MYT1L: variants seen among roughly 807,000 people sequenced by gnomAD.
The protein encoded by MYT1L is myelin transcription factor 1-like protein.
A neutral mutation model predicts 126.7 loss-of-function variants in MYT1L; 12 were observed. The observed-to-expected ratio is 0.09, with a 90% CI of 0.06 to 0.15. MYT1L has a LOEUF of 0.15. MYT1L is among the 10% of genes least tolerant of loss of function. The pLI, the probability that MYT1L is intolerant of heterozygous loss-of-function variation, is 1.00. For synonymous variants in MYT1L, 541 were observed against 604.2 expected, an observed-to-expected ratio of 0.90 and a Z score of 1.53; for missense variants, 979 against 1,585.2, an observed-to-expected ratio of 0.62 and a Z score of 6.49.
At chr2:1,947,745 G>A (rs1285407432) in intron 8 of MYT1L, among the ~76,000 whole-genome samples, 1 of 152,230 alleles carries the variant, frequency 6.6e-6, no homozygotes, top group African/African-American at 2.4e-5. Flanking sequence ...AAAAATAGTT[G>A]ATCAAGATAG....
chr2:2,153,596 C>T (rs536149955), intron 3 of MYT1L, among the ~76,000 whole-genome samples: 4 of 152,150 alleles, frequency 2.6e-5, no homozygotes, highest in Non-Finnish European at 5.9e-5. Flanking sequence ...ACTAAGGGAT[C>T]GATGGTGTCA....
At chr2:2,098,086 C>T (rs1485643370) in intron 3 of MYT1L, among the ~76,000 whole-genome samples, 2 of 152,194 alleles carry the variant, frequency 1.3e-5, no homozygotes, top group Non-Finnish European at 2.9e-5. Context: ...TGGTGCCATG[C>T]TTGTGCAACC....
At chr2:2,024,211 ATATATATACTACAT>A (rs1377842325) in intron 4 of MYT1L, among the ~76,000 whole-genome samples, 2 of 152,214 alleles carry the variant, frequency 1.3e-5, no homozygotes, top group Non-Finnish European at 1.5e-5. Context: ...GCGTCTTGGA[ATATATATACTACAT>A]TATTATTAGC....
intron 2 of MYT1L, among the ~76,000 whole-genome samples, chr2:2,243,633 G>T (rs1572785649): frequency 6.6e-6 from 1 of 152,096 alleles, no homozygotes; most frequent in Admixed American, 6.5e-5. Context: ...AAGTAGCTGG[G>T]AAGCCACATG....
chr2:2,269,156 T>C (rs912361073), intron 2 of MYT1L, among the ~76,000 whole-genome samples: 1 of 152,194 alleles, frequency 6.6e-6, no homozygotes, highest in African/African-American at 2.4e-5. Context: ...TATCTGGAGA[T>C]AAAGGGTGAG....
chr2:2,029,792 G>T (rs1302935698), intron 4 of MYT1L, among the ~76,000 whole-genome samples: 1 of 152,184 alleles, frequency 6.6e-6, no homozygotes, highest in Non-Finnish European at 1.5e-5. Flanking sequence ...AATTTAGAAA[G>T]TTATTGGCAT....
intron 2 of MYT1L, among the ~76,000 whole-genome samples, chr2:2,204,201 G>A (rs1312646439): frequency 6.6e-6 from 1 of 152,172 alleles, no homozygotes; most frequent in Non-Finnish European, 1.5e-5. Flanking sequence ...ATAGGCATGG[G>A]CAAGGACTTC....
chr2:2,174,849 A>G (rs1231351415), intron 2 of MYT1L, among the ~76,000 whole-genome samples: 2 of 152,094 alleles, frequency 1.3e-5, no homozygotes, highest in Non-Finnish European at 2.9e-5. Flanking sequence ...TGTTGAGTGA[A>G]TAAATCTCTC....
At chr2:2,317,843 C>T (rs7608616) in intron 1 of MYT1L, among the ~76,000 whole-genome samples, 4,549 of 152,130 alleles carry the variant, frequency 0.03, 127 homozygotes, top group South Asian at 0.11. Context: ...TAATCATCCT[C>T]CTGACCGTGC....
rs1175068100 is a variant in MYT1L at position 2,259,939 on chromosome 2, T to C, written c.-421+24465A>G. Among the ~76,000 whole-genome samples, 11 of 152,334 alleles carry C rather than the reference T, an allele frequency of 7.2e-5. No individual in the cohort carries two copies. In the East Asian group the frequency reaches 1.9e-3, roughly 27 times the overall value. On this transcript the variant is annotated intron_variant, in intron 2 of 24. Coordinates refer to ENST00000647738, the MANE Select transcript of MYT1L (RefSeq NM_001303052.2). Reference sequence around the variant, plus strand: ...AGTAGCCTAATGTATGTGAAAAATGTTTCAGAAACAGTCAAGCTCCTTCAC... The same window carrying C: ...AGTAGCCTAATGTATGTGAAAAATGCTTCAGAAACAGTCAAGCTCCTTCAC...
In MYT1L at chr2:1,947,433, C is replaced by A. The variant is rs192071105; in HGVS notation, c.153-4099G>T. Among the ~76,000 whole-genome samples the A allele has an allele frequency of 2.2e-4, 34 of 152,268 alleles. 1 individual carries two copies. Among genetic ancestry groups the A allele is most frequent in the Admixed American group, 2.2e-3 (34 of 15,292 alleles). ...CTGAGAGTTTGGAGGACAATGTATCCGGCTAGGAGGACGTTTGAGAGGATG... is the reference window on the plus strand; with the variant it reads ...CTGAGAGTTTGGAGGACAATGTATCAGGCTAGGAGGACGTTTGAGAGGATG... On this transcript the variant is annotated intron_variant, in intron 8 of 24. Coordinates refer to ENST00000647738, the MANE Select transcript of MYT1L (RefSeq NM_001303052.2).
In MYT1L at chr2:1,818,194, C is replaced by T. The variant is rs925005009; in HGVS notation, c.3081-9027G>A. On this transcript the variant is annotated intron_variant, in intron 21 of 24. Transcript: ENST00000647738. Reference sequence around the variant, plus strand: ...GAAGGGGGATATGGTTAACAAGACACACAGATTGGGAAGAAAAATAAGTAA... The same window carrying T: ...GAAGGGGGATATGGTTAACAAGACATACAGATTGGGAAGAAAAATAAGTAA... 7.2e-5 allele frequency among the ~76,000 whole-genome samples: 11 copies of T among 152,150 alleles called. 1 individual carries two copies. The highest frequency in any genetic ancestry group is 7.2e-4 in the Admixed American group (11 of 15,276).
chr2:2,151,445 G>C (rs182097996), intron 3 of MYT1L, among the ~76,000 whole-genome samples: 12 of 151,900 alleles, frequency 7.9e-5, no homozygotes, highest in Admixed American at 4.6e-4. Context: ...TGACCATGTG[G>C]CATGTTCACA....
chr2:2,159,177 G>A (rs2087345633), intron 3 of MYT1L, among the ~76,000 whole-genome samples: 5 of 152,142 alleles, frequency 3.3e-5, no homozygotes, highest in Admixed American at 6.5e-5. Context: ...GGGGCTGTCG[G>A]GGTGACGGTG....
intron 23 of MYT1L, among the ~76,000 whole-genome samples, chr2:1,800,871 G>A (rs1013954319): frequency 3.3e-5 from 5 of 151,786 alleles, no homozygotes; most frequent in African/African-American, 4.8e-5. Context: ...TCATCACACC[G>A]TGGCCTGCTG....
Position 1,917,190 on chromosome 2 carries a change from G to A in MYT1L, c.1618+15C>T, listed in dbSNP as rs1174966321. ...TGTTTGCACCCCCAAGGGTAGCGGT[G>A]AGACGTGGACTTACTTTCTGGAGGG... is the stretch of plus-strand genomic sequence containing the variant. On this transcript the variant is annotated intron_variant, in intron 11 of 24. Coordinates refer to ENST00000647738, the MANE Select transcript of MYT1L (RefSeq NM_001303052.2). This position sits in a 1 kb window ranked among gnomAD's most constrained non-coding sequence, Gnocchi z 5.9. The A allele has an allele frequency of 6.2e-7, 1 of 1,609,426 alleles. No individual in the cohort carries two copies. Among genetic ancestry groups the A allele is most frequent in the Non-Finnish European group, 8.5e-7 (1 of 1,176,740 alleles).
chr2:1,955,766 C>T (rs2058288077), intron 8 of MYT1L, among the ~76,000 whole-genome samples: 1 of 152,256 alleles, frequency 6.6e-6, no homozygotes, highest in South Asian at 2.1e-4. Flanking sequence ...CTGAACCCAT[C>T]TGTCCTGGGA....
intron 18 of MYT1L, among the ~76,000 whole-genome samples, chr2:1,864,249 C>G (rs2045139638): frequency 6.6e-6 from 1 of 152,120 alleles, no homozygotes; most frequent in Non-Finnish European, 1.5e-5. Context: ...GAGGTCCTCC[C>G]CAACACGCAG....
intron 18 of MYT1L, among the ~76,000 whole-genome samples, chr2:1,861,913 T>TGGATCTGCCTGCAGCCTGTGTAATCCC (rs1558191398): frequency 2.0e-5 from 3 of 152,044 alleles, no homozygotes; most frequent in South Asian, 2.1e-4. Flanking sequence ...TGTGTAATCC[T>TGGATCTGCCTGCAGCCTGTGTAATCCC]GGATCCTCCT....
Sources: allele counts gnomAD v4.1 joint callset (sites outside exome capture counted in the v4.1 genomes callset), GRCh38; gene constraint gnomAD v4.1.1; non-coding constraint Gnocchi (gnomAD v3.1); transcripts MANE v1.5; gene names NCBI Gene and HGNC (gene_info 2026-07-23, HGNC 2026-07-21).